CADM2: variants seen among roughly 807,000 people sequenced by gnomAD.
The protein encoded by CADM2 is cell adhesion molecule 2.
A neutral mutation model predicts 49.8 loss-of-function variants in CADM2; 12 were observed. The ratio of observed to expected loss-of-function variants is 0.24; its 90% CI spans 0.15 to 0.39. The LOEUF is 0.39. Ranked by LOEUF, CADM2 falls within the 10% of genes least tolerant of loss-of-function variation. The probability of loss-of-function intolerance (pLI) is 1.00; values close to 1 mark genes in which losing one functional copy is unlikely to be tolerated. For synonymous variants in CADM2, 214 were observed against 175.4 expected (o/e 1.22, Z -1.74); for missense variants, 378 against 492.3 (o/e 0.77, Z 2.20).
chr3:85,927,154 A>C (rs965517910), intron 6 of CADM2, among the ~76,000 whole-genome samples: 4 of 152,338 alleles, frequency 2.6e-5, no homozygotes, highest in Non-Finnish European at 4.4e-5. Flanking sequence ...AATGTTTACT[A>C]TTATTAGAAG....
At chr3:85,562,458 A>T (rs2062120999) in intron 1 of CADM2, among the ~76,000 whole-genome samples, 1 of 135,864 alleles carries the variant, frequency 7.4e-6, no homozygotes. Flanking sequence ...AGCCTGGGCA[A>T]CAAGAGAGAA....
At chr3:85,016,416 T>G (rs1182106172) in intron 1 of CADM2, among the ~76,000 whole-genome samples, 3 of 152,230 alleles carry the variant, frequency 2.0e-5, no homozygotes, top group Admixed American at 2.0e-4. Flanking sequence ...AGTTTGAATT[T>G]TGGTCCAACA....
intron 1 of CADM2, among the ~76,000 whole-genome samples, chr3:85,066,662 G>C (rs1365825411): frequency 6.6e-6 from 1 of 152,034 alleles, no homozygotes; most frequent in Non-Finnish European, 1.5e-5. Context: ...CTCCCCTGCT[G>C]TCTACTCTTT....
At chr3:85,240,038 G>A (rs1205785894) in intron 1 of CADM2, among the ~76,000 whole-genome samples, 1 of 151,380 alleles carries the variant, frequency 6.6e-6, no homozygotes, top group Non-Finnish European at 1.5e-5. Context: ...ATGCCATTTT[G>A]TAAGAAATTT....
intron 1 of CADM2, among the ~76,000 whole-genome samples, chr3:85,494,758 A>C (rs918077076): frequency 2.0e-5 from 3 of 152,158 alleles, no homozygotes; most frequent in Admixed American, 6.6e-5. Flanking sequence ...GCCTTTAATT[A>C]ACATAAGCTC....
intron 1 of CADM2, among the ~76,000 whole-genome samples, chr3:85,137,386 G>GA (rs931926886): frequency 8.6e-5 from 13 of 151,624 alleles, no homozygotes. Context: ...TGTACTTAGT[G>GA]AAAAAAAGCA....
intron 1 of CADM2, among the ~76,000 whole-genome samples, chr3:85,182,391 T>C (rs1330082427): frequency 6.6e-6 from 1 of 152,086 alleles, no homozygotes; most frequent in African/African-American, 2.4e-5. Flanking sequence ...TACCCCATAA[T>C]ATAATGAGAT....
At chr3:85,153,422 C>A (rs993812593) in intron 1 of CADM2, among the ~76,000 whole-genome samples, 1 of 152,204 alleles carries the variant, frequency 6.6e-6, no homozygotes. Flanking sequence ...CTGCACCTGG[C>A]TCAGAGGGTC....
intron 1 of CADM2, among the ~76,000 whole-genome samples, chr3:85,490,454 T>A (rs1020268140): frequency 1.3e-5 from 2 of 152,058 alleles, no homozygotes; most frequent in Non-Finnish European, 2.9e-5. Flanking sequence ...TGTGGTGGCT[T>A]ACACCTATAA....
chr3:85,765,812 G>C (rs2069628654), intron 2 of CADM2, among the ~76,000 whole-genome samples: 1 of 151,874 alleles, frequency 6.6e-6, no homozygotes, highest in Non-Finnish European at 1.5e-5. Flanking sequence ...AGGGTAATTA[G>C]TATGTATGGC....
chr3:85,013,922 A>T (rs184429729), intron 1 of CADM2, among the ~76,000 whole-genome samples: 4,544 of 141,324 alleles, frequency 0.032, 232 homozygotes, highest in East Asian at 0.083. Flanking sequence ...GTACAATATT[A>T]TATATACGCA....
intron 1 of CADM2, among the ~76,000 whole-genome samples, chr3:85,044,451 T>C (rs1055172976): frequency 5.3e-5 from 8 of 152,192 alleles, no homozygotes; most frequent in African/African-American, 1.9e-4. Flanking sequence ...TTTAGGTCAG[T>C]TGGAAGGATC....
chr3:85,742,963 A>G (rs888641101), intron 2 of CADM2, among the ~76,000 whole-genome samples: 3 of 152,074 alleles, frequency 2.0e-5, no homozygotes, highest in Non-Finnish European at 4.4e-5. Flanking sequence ...AGTTCTTTCT[A>G]CTAGGTGATC....
At chr3:85,085,206 C>T (rs907463718) in intron 1 of CADM2, among the ~76,000 whole-genome samples, 1 of 152,024 alleles carries the variant, frequency 6.6e-6, no homozygotes, top group Admixed American at 6.6e-5. Context: ...TTACTAACAT[C>T]TTCCCAATTA....
intron 8 of CADM2, among the ~76,000 whole-genome samples, chr3:85,964,811 T>TA (rs1230811174): frequency 6.6e-6 from 1 of 151,808 alleles, no homozygotes; most frequent in African/African-American, 2.4e-5. Context: ...TTGGTAGCCA[T>TA]AATTATACTA....
At chr3:85,172,681 T>C (rs2040659254) in intron 1 of CADM2, among the ~76,000 whole-genome samples, 3 of 151,822 alleles carry the variant, frequency 2.0e-5, no homozygotes, top group Admixed American at 2.0e-4. Context: ...AAGCAATGGG[T>C]AGACATTGAA....
chr3:85,347,858 A>G (rs2030907326), intron 1 of CADM2, among the ~76,000 whole-genome samples: 1 of 150,052 alleles, frequency 6.7e-6, no homozygotes, highest in Non-Finnish European at 1.5e-5. Flanking sequence ...CCCAGGCTGG[A>G]GTGCAGTGGC....
At chr3:85,844,386 A>G (rs2074784488) in intron 3 of CADM2, among the ~76,000 whole-genome samples, 1 of 152,128 alleles carries the variant, frequency 6.6e-6, no homozygotes, top group African/African-American at 2.4e-5. Context: ...ATGTGTTTTT[A>G]AAATATGTTT....
chr3:85,646,330 A>G (rs1329848485), intron 1 of CADM2, among the ~76,000 whole-genome samples: 1 of 152,014 alleles, frequency 6.6e-6, no homozygotes. Flanking sequence ...ATTCAAAGGC[A>G]CATTCTGAAA....
Sources: gnomAD v4.1 joint callset for allele counts (sites outside exome capture counted in the v4.1 genomes callset) on GRCh38, gnomAD v4.1.1 for gene constraint, MANE v1.5 for transcripts, NCBI Gene and HGNC (gene_info 2026-07-23, HGNC 2026-07-21) for gene names.